Variants in SOX5 observed in about 807,000 individuals in gnomAD.
SOX5 encodes the protein SRY-box transcription factor 5, also known as transcription factor SOX-5.
SOX5 carries 9 observed loss-of-function variants against 92.0 expected under a neutral mutation model. The observed-to-expected ratio is 0.10, with a 90% confidence interval of 0.06 to 0.17. The LOEUF (loss-of-function observed/expected upper bound fraction) is 0.17. SOX5 is among the 10% of genes least tolerant of loss of function. The pLI is 1.00. For synonymous variants in SOX5, 344 were observed against 336.3 expected, an observed-to-expected ratio of 1.02 and a Z score of -0.25; for missense variants, 642 against 944.5, an observed-to-expected ratio of 0.68 and a Z score of 4.20.
At chr12:24,137,952 G>A (rs1002188046) in intron 4 of SOX5, among the ~76,000 whole-genome samples, 1 of 152,164 alleles carries the variant, frequency 6.6e-6, no homozygotes, top group Non-Finnish European at 1.5e-5. Context: ...GCCCACTGTT[G>A]GGCAGATTAG....
At chr12:24,200,629 G>A (rs1466194807) in intron 4 of SOX5, among the ~76,000 whole-genome samples, 4 of 152,094 alleles carry the variant, frequency 2.6e-5, no homozygotes, top group African/African-American at 7.2e-5. Flanking sequence ...CTCATTCAAA[G>A]TATTCTTCAA....
At chr12:24,321,204 AC>A (rs1371898564) in intron 2 of SOX5, among the ~76,000 whole-genome samples, 1 of 152,208 alleles carries the variant, frequency 6.6e-6, no homozygotes, top group Admixed American at 6.5e-5. Context: ...CTAAGAACTC[AC>A]TTCTGATATT....
At chr12:23,595,585 C>G (rs1164304577) in intron 9 of SOX5, among the ~76,000 whole-genome samples, 1 of 136,276 alleles carries the variant, frequency 7.3e-6, no homozygotes, top group Admixed American at 7.8e-5. Context: ...TGCCACTGCA[C>G]TCCAGCCTGG....
At chr12:24,496,497 T>C (rs1597314421) in intron 1 of SOX5, among the ~76,000 whole-genome samples, 1 of 152,320 alleles carries the variant, frequency 6.6e-6, no homozygotes, top group Middle Eastern at 3.4e-3. Flanking sequence ...GTATTTTGAC[T>C]GTCTGGCTCA....
chr12:23,995,245 C>T (rs1566332), intron 4 of SOX5, among the ~76,000 whole-genome samples: 95,980 of 152,046 alleles, frequency 0.63, 30,450 homozygotes, highest in Non-Finnish European at 0.66. Flanking sequence ...ATATATACGT[C>T]TGACATTTAG....
Position 23,534,405 on chromosome 12 carries a change from T to A in SOX5, c.2106A>T (p.Pro702=). The A allele has an allele frequency of 6.2e-7, 1 of 1,614,146 alleles. No individual in the cohort carries two copies. Reference sequence around the variant, plus strand: ...TCTGGATAACAGGCATCCCAGGCTCTGGGCTGCTAGACACGCTTGAGTGCT... The same window carrying A: ...TCTGGATAACAGGCATCCCAGGCTCAGGGCTGCTAGACACGCTTGAGTGCT... The part of the protein sequence containing the change: ...PSEHSSVSSS[P]EPGMPVIQST... Residue 702 remains proline (P), a synonymous_variant, in exon 15 of 15, where the codon CCA becomes CCT. Transcript: ENST00000451604.
intron 4 of SOX5, among the ~76,000 whole-genome samples, chr12:23,989,180 T>A (rs1950323502): frequency 7.1e-6 from 1 of 139,892 alleles, no homozygotes; most frequent in Non-Finnish European, 1.5e-5. Flanking sequence ...TGGACACCAG[T>A]CTGGCAACAT....
chr12:24,283,193 C>T (rs887663714), intron 2 of SOX5, among the ~76,000 whole-genome samples: 1 of 152,176 alleles, frequency 6.6e-6, no homozygotes, highest in African/African-American at 2.4e-5. Context: ...GATTTACCCA[C>T]AATGTTGTAA....
chr12:24,285,521 G>A (rs991858391), intron 2 of SOX5, among the ~76,000 whole-genome samples: 8 of 147,714 alleles, frequency 5.4e-5, no homozygotes, highest in Non-Finnish European at 1.1e-4. Context: ...TGAAAGAAGA[G>A]CAGCGCTATA....
At chr12:24,355,625 G>T (rs1204362153) in intron 2 of SOX5, among the ~76,000 whole-genome samples, 1 of 152,064 alleles carries the variant, frequency 6.6e-6, no homozygotes, top group Non-Finnish European at 1.5e-5. Context: ...TTATTACATT[G>T]ATATTTTAAA....
chr12:24,214,939 T>C (rs1010552848), intron 3 of SOX5, among the ~76,000 whole-genome samples: 1 of 152,080 alleles, frequency 6.6e-6, no homozygotes, highest in African/African-American at 2.4e-5. Flanking sequence ...ATCCCAGGAA[T>C]GCAAAGTTGA....
chr12:24,282,014 G>T (rs888710094), intron 2 of SOX5, among the ~76,000 whole-genome samples: 33 of 152,136 alleles, frequency 2.2e-4, no homozygotes, highest in Non-Finnish European at 4.6e-4. Flanking sequence ...TCAGAGATTT[G>T]TAAGAATATT....
At chr12:23,756,934 C>T (rs1270659314) in intron 3 of SOX5, among the ~76,000 whole-genome samples, 1 of 151,734 alleles carries the variant, frequency 6.6e-6, no homozygotes, top group Non-Finnish European at 1.5e-5. Flanking sequence ...CTACTTTTTC[C>T]AGGGCCCCAT....
intron 10 of SOX5, among the ~76,000 whole-genome samples, chr12:23,563,890 T>C (rs980776653): frequency 4.2e-4 from 64 of 152,296 alleles, no homozygotes; most frequent in African/African-American, 1.4e-3. Context: ...GTTTGTTATA[T>C]ACAGAAGAAA....
intron 6 of SOX5, 71 bp downstream of exon 6, chr12:23,734,613 A>C: frequency 9.1e-7 from 1 of 1,095,550 alleles, no homozygotes; most frequent in Non-Finnish European, 1.3e-6. Flanking sequence ...CATTTCAGTT[A>C]GGTATTTAAG....
rs1447708041 is a variant in SOX5, at chr12:23,843,582, G to C, written c.481+2401C>G. ...TTTTTTTTTTTTTTTTTTTTTTTTT[G>C]AGACAGAGTCTCGCTCTGTTGCCCA... On this transcript the variant is annotated intron_variant, in intron 3 of 14. Transcript: ENST00000451604. 2.2e-3 allele frequency among the ~76,000 whole-genome samples: 6 copies of C among 2,680 alleles called. No homozygotes were observed. In the East Asian group the frequency reaches 0.11, roughly 49 times the overall value. The allele number at this position is 2,680 out of a possible 152,430, so 1.8% of individuals were successfully genotyped here. A position where few individuals can be genotyped will look rare whatever the true frequency, so the allele number is the denominator to read the frequency against.
At chr12:23,577,325 C>G (rs910667987) in intron 9 of SOX5, among the ~76,000 whole-genome samples, 1 of 150,452 alleles carries the variant, frequency 6.6e-6, no homozygotes, top group Non-Finnish European at 1.5e-5. Context: ...TCCTGAGTAG[C>G]TGGGACACTA....
rs548139697 is a variant in SOX5 at position 24,193,919 on chromosome 12, T to C, written c.-2+19424A>G. On this transcript the variant is annotated intron_variant, in intron 4 of 4. Coordinates refer to the SOX5 transcript ENST00000446891. ...TTCAGGAAAATCACTGTTTTAATCATGACCTTTCAGCTGTCCTTGATTGAA... is the reference window on the plus strand; with the variant it reads ...TTCAGGAAAATCACTGTTTTAATCACGACCTTTCAGCTGTCCTTGATTGAA... Among the ~76,000 whole-genome samples, 4 of 152,146 alleles carry C rather than the reference T, an allele frequency of 2.6e-5. No homozygotes were observed. The South Asian group carries it at 6.2e-4, about 24-fold the overall frequency.
intron 4 of SOX5, among the ~76,000 whole-genome samples, chr12:24,043,776 C>T (rs2137025253): frequency 6.6e-6 from 1 of 152,222 alleles, no homozygotes; most frequent in Non-Finnish European, 1.5e-5. Context: ...ATAGCTACCT[C>T]TTGAATTTGG....
Sources: gnomAD v4.1 joint callset for allele counts (sites outside exome capture counted in the v4.1 genomes callset) on GRCh38, gnomAD v4.1.1 for gene constraint, MANE v1.5 for transcripts, NCBI Gene and HGNC (gene_info 2026-07-23, HGNC 2026-07-21) for gene names.